Variants in EIF5A2 observed in about 807,000 individuals in gnomAD.
EIF5A2 encodes the protein eukaryotic translation initiation factor 5A2.
In EIF5A2, 15 loss-of-function variants were observed where a neutral mutation model predicts 16.4. The ratio of observed to expected loss-of-function variants is 0.92; its 90% CI spans 0.61 to 1.41. The LOEUF is 1.41. EIF5A2 is among the 40% of genes most tolerant of loss of function. EIF5A2 has a pLI of 0.00. For synonymous variants in EIF5A2, 48 were observed against 61.1 expected (o/e 0.79, Z 1.00); for missense variants, 144 against 189.5 (o/e 0.76, Z 1.41).
At chr3:170,903,990 T>C (rs990915161) in intron 3 of EIF5A2, among the ~76,000 whole-genome samples, 30 of 152,230 alleles carry the variant, frequency 2.0e-4, no homozygotes, top group African/African-American at 7.2e-4. Flanking sequence ...AGAAACGGCA[T>C]TTAACTTGTG....
At chr3:170,896,708 A>G (rs1167550438) in intron 3 of EIF5A2, among the ~76,000 whole-genome samples, 1 of 152,190 alleles carries the variant, frequency 6.6e-6, no homozygotes, top group Non-Finnish European at 1.5e-5. Flanking sequence ...GTGAAAAAGG[A>G]CTAATACAGA....
In EIF5A2 at chr3:170,889,977, T is replaced by A. The variant is rs903189982; in HGVS notation, c.*3383A>T. ...TGTGTTGACATTAAGGATTTTTTTA[T>A]ATGCATGTATCACAGTTATTACAAT... On this transcript the variant is annotated 3_prime_UTR_variant, in exon 5 of 5. Coordinates refer to ENST00000295822, the MANE Select transcript of EIF5A2 (RefSeq NM_020390.6). 6.6e-6 allele frequency: 1 copy of A among 152,566 alleles called. No individual in the cohort carries two copies. Among genetic ancestry groups the A allele is most frequent in the Non-Finnish European group, 1.5e-5 (1 of 67,960 alleles). 9.5% of individuals were successfully genotyped at this position (152,566 alleles called of 1,614,324 possible). A position where few individuals can be genotyped will look rare whatever the true frequency, so the allele number is the denominator to read the frequency against.
At chr3:170,894,238 G>C in intron 4 of EIF5A2, 54 bp downstream of exon 4, 1 of 1,581,498 alleles carries the variant, frequency 6.3e-7, no homozygotes, top group Non-Finnish European at 8.6e-7. Flanking sequence ...AACTAGTTGA[G>C]GTCAAAGTTT....
At chr3:170,908,194 G>A (rs558261862) in intron 1 of EIF5A2, among the ~76,000 whole-genome samples, 1 of 152,312 alleles carries the variant, frequency 6.6e-6, no homozygotes, top group South Asian at 2.1e-4. Flanking sequence ...CCTACTGCGG[G>A]GGACCCAGCC....
Position 170,907,705 on chromosome 3 carries a change from T to C in EIF5A2, c.102A>G (p.Lys34=), listed in dbSNP as rs1356868924. 1 of 1,611,396 alleles carries C rather than the reference T, an allele frequency of 6.2e-7. No homozygotes were observed. The highest frequency in any genetic ancestry group is 8.5e-7 in the Non-Finnish European group (1 of 1,177,832). The change falls in exon 2 of 5, where the codon AAA becomes AAG. Residue 34 remains lysine, a synonymous_variant. Coordinates refer to ENST00000295822, the MANE Select transcript of EIF5A2 (RefSeq NM_020390.6). ...TCTCCACTATTTTGCATGGTCGTCC[T>C]TTGAGCACCACGAAGCCGTTTTTGC... The part of the protein sequence containing the change: ...ALRKNGFVVL[K]GRPCKIVEMS...
chr3:170,907,158 G>A, intron 2 of EIF5A2, 65 bp from the exon 3 acceptor site: 1 of 1,024,098 alleles, frequency 9.8e-7, no homozygotes, highest in Non-Finnish European at 1.5e-6. Flanking sequence ...ACACACACAA[G>A]AGCACAATAC....
chr3:170,907,836 T>G lies in EIF5A2; in HGVS notation c.-30A>C. The G allele has an allele frequency of 6.6e-7, 1 of 1,510,964 alleles. No individual in the cohort carries two copies. Among genetic ancestry groups the G allele is most frequent in the Non-Finnish European group, 8.9e-7 (1 of 1,117,500 alleles). 93.6% of individuals were successfully genotyped at this position (1,510,964 alleles called of 1,614,324 possible). ...GGCAGGGGAGATGGTAGTTTTTCCGTGGGAACTACACAAAAAGTTTGTGTT... is the reference window on the plus strand; with the variant it reads ...GGCAGGGGAGATGGTAGTTTTTCCGGGGGAACTACACAAAAAGTTTGTGTT... On this transcript the variant is annotated 5_prime_UTR_variant, in exon 2 of 5. Coordinates refer to ENST00000295822, the MANE Select transcript of EIF5A2 (RefSeq NM_020390.6).
At chr3:170,894,167 G>A in intron 4 of EIF5A2, 125 bp downstream of exon 4, 1 of 1,087,696 alleles carries the variant, frequency 9.2e-7, no homozygotes. Flanking sequence ...CTGCCTGAGA[G>A]ATCATTTTCA....
intron 3 of EIF5A2, among the ~76,000 whole-genome samples, chr3:170,895,268 A>G (rs897673597): frequency 5.9e-5 from 9 of 152,086 alleles, no homozygotes; most frequent in Admixed American, 4.6e-4. Flanking sequence ...AATTAAGTGG[A>G]AAACTTTTGG....
intron 4 of EIF5A2, among the ~76,000 whole-genome samples, chr3:170,893,960 C>T (rs962051782): frequency 4.6e-5 from 7 of 151,124 alleles, no homozygotes; most frequent in South Asian, 2.1e-4. Flanking sequence ...GAACCTGGGA[C>T]GCGGAGGTTG....
chr3:170,905,091 A>T (rs988439447), intron 3 of EIF5A2, among the ~76,000 whole-genome samples: 1 of 152,264 alleles, frequency 6.6e-6, no homozygotes, highest in African/African-American at 2.4e-5. Context: ...AGGCACCAAA[A>T]AAACCTCAGT....
rs1289999489 is a variant in EIF5A2 at position 170,894,225 on chromosome 3, G to A, written c.402+67C>T. 3 of 1,529,980 alleles carry A rather than the reference G, an allele frequency of 2.0e-6. No individual in the cohort carries two copies. In the East Asian group the frequency reaches 6.8e-5, roughly 35 times the overall value. The allele number at this position is 1,529,980 out of a possible 1,614,324, so 94.8% of individuals were successfully genotyped here. ...CCACATTCCATATGTAGTATTTTAT[G>A]TTAACTAGTTGAGGTCAAAGTTTTT... is the stretch of plus-strand genomic sequence containing the variant. On this transcript the variant is annotated intron_variant, in intron 4 of 4. Coordinates refer to ENST00000295822, the MANE Select transcript of EIF5A2 (RefSeq NM_020390.6).
At chr3:170,897,155 G>C (rs1374938282) in intron 3 of EIF5A2, among the ~76,000 whole-genome samples, 1 of 152,220 alleles carries the variant, frequency 6.6e-6, no homozygotes, top group Non-Finnish European at 1.5e-5. Flanking sequence ...CATTCATGAA[G>C]AGATGATCTG....
rs747610857 is a variant in EIF5A2, at chr3:170,893,428, A to C, written c.403-9T>G. On this transcript the variant is annotated splice_polypyrimidine_tract_variant and intron_variant, in intron 4 of 4. Coordinates refer to ENST00000295822, the MANE Select transcript of EIF5A2 (RefSeq NM_020390.6). ...GCACACATGACAGACACCTAGAAGG[A>C]AAAAAGCAGGCAAAACGTTATTCAG... The C allele has an allele frequency of 1.4e-5, 23 of 1,613,514 alleles. 1 individual carries two copies. Among genetic ancestry groups the C allele is most frequent in the Middle Eastern group, 1.7e-4 (1 of 6,052 alleles).
At chr3:170,896,178 G>A (rs1237805811) in intron 3 of EIF5A2, among the ~76,000 whole-genome samples, 1 of 152,066 alleles carries the variant, frequency 6.6e-6, no homozygotes, top group African/African-American at 2.4e-5. Flanking sequence ...TATTTTTTAA[G>A]AGTTAAGAAT....
chr3:170,888,598 C>A lies in EIF5A2; in HGVS notation c.*4762G>T, dbSNP rs990203090. ...AATGTAAAATGTACAATTAGTAATACCCATACTACGTATTTTAGAATTTTA... is the reference window on the plus strand; with the variant it reads ...AATGTAAAATGTACAATTAGTAATAACCATACTACGTATTTTAGAATTTTA... On this transcript the variant is annotated 3_prime_UTR_variant, in exon 5 of 5. Coordinates refer to ENST00000295822, the MANE Select transcript of EIF5A2 (RefSeq NM_020390.6). 1 of 152,346 alleles carries A rather than the reference C, an allele frequency of 6.6e-6. No homozygotes were observed. The highest frequency in any genetic ancestry group is 2.4e-5 in the African/African-American group (1 of 41,372). The allele number at this position is 152,346 out of a possible 1,614,324, so 9.4% of individuals were successfully genotyped here.
At chr3:170,905,481 T>G (rs946106240) in intron 3 of EIF5A2, among the ~76,000 whole-genome samples, 1 of 152,230 alleles carries the variant, frequency 6.6e-6, no homozygotes, top group African/African-American at 2.4e-5. Context: ...CTGAATATAA[T>G]TAATATTGAA....
Position 170,893,282 on chromosome 3 carries a change from G to T in EIF5A2, c.*78C>A. The T allele has an allele frequency of 6.8e-7, 1 of 1,475,804 alleles. No individual in the cohort carries two copies. The highest frequency in any genetic ancestry group is 9.3e-7 in the Non-Finnish European group (1 of 1,069,886). The allele number at this position is 1,475,804 out of a possible 1,614,324, so 91.4% of individuals were successfully genotyped here. A position where few individuals can be genotyped will look rare whatever the true frequency, so the allele number is the denominator to read the frequency against. ...AATGAGGTTGCTTATGAAGGCTATA[G>T]CTTTGGTGACAACTTAGAACCAAAT... On this transcript the variant is annotated 3_prime_UTR_variant, in exon 5 of 5. Transcript: ENST00000295822.
Position 170,892,808 on chromosome 3 carries a change from A to G in EIF5A2, c.*552T>C, listed in dbSNP as rs528174366. 52 of 399,050 alleles carry G rather than the reference A, an allele frequency of 1.3e-4. No individual in the cohort carries two copies. Among genetic ancestry groups the G allele is most frequent in the African/African-American group, 8.6e-4 (42 of 48,754 alleles). 24.7% of individuals were successfully genotyped at this position (399,050 alleles called of 1,614,324 possible). A position where few individuals can be genotyped will look rare whatever the true frequency, so the allele number is the denominator to read the frequency against. ...TGCCAACAATTTGGTAAATAGTATGACCAAAGTAATCACATGGTTGCATGT... is the reference window on the plus strand; with the variant it reads ...TGCCAACAATTTGGTAAATAGTATGGCCAAAGTAATCACATGGTTGCATGT... On this transcript the variant is annotated 3_prime_UTR_variant, in exon 5 of 5. Coordinates refer to ENST00000295822, the MANE Select transcript of EIF5A2 (RefSeq NM_020390.6).
Sources: gnomAD v4.1 joint callset for allele counts (sites outside exome capture counted in the v4.1 genomes callset) on GRCh38, gnomAD v4.1.1 for gene constraint, MANE v1.5 for transcripts, NCBI Gene and HGNC (gene_info 2026-07-23, HGNC 2026-07-21) for gene names.